The following BBS9 variants were observed in gnomAD, a reference collection of about 807,000 sequenced individuals.
BBS9 encodes the protein protein PTHB1.
BBS9 carries 89 observed loss-of-function variants against 117.7 expected under a neutral mutation model. That is an observed-to-expected ratio of 0.76 (90% CI 0.64 to 0.90). BBS9 has a LOEUF of 0.90. Among genes scored for constraint, BBS9 ranks in the 40% least tolerant of loss-of-function variants. The pLI, the probability that BBS9 is intolerant of heterozygous loss-of-function variation, is 0.00. For missense variants in BBS9, 982 were observed against 1,042.2 expected (o/e 0.94, Z 0.80); for synonymous variants, 379 against 370.9 (o/e 1.02, Z -0.25).
chr7:33,326,762 T>A (rs1812939572), intron 9 of BBS9, among the ~76,000 whole-genome samples: 1 of 151,872 alleles, frequency 6.6e-6, no homozygotes, highest in Non-Finnish European at 1.5e-5. Context: ...CCAGGGTATG[T>A]TTAGAAATGT....
rs117226911 is a variant in BBS9 at position 33,624,958 on chromosome 7, C to A, written c.2522-10219C>A. ...ATCACCCTGGGTTAAGAAATGTGTA[C>A]GGCCATAATTGTAGTCCTGAACCAG... On this transcript the variant is annotated intron_variant, in intron 21 of 21. Coordinates refer to the BBS9 transcript ENST00000671952. Among the ~76,000 whole-genome samples the A allele has an allele frequency of 1.6e-4, 24 of 152,216 alleles. No homozygotes were observed. In the East Asian group the frequency reaches 4.6e-3, roughly 29 times the overall value.
At chr7:33,305,841 CA>C (rs1043900198) in intron 9 of BBS9, among the ~76,000 whole-genome samples, 3 of 151,658 alleles carry the variant, frequency 2.0e-5, no homozygotes, top group Non-Finnish European at 2.9e-5. Flanking sequence ...TTTACCTTTT[CA>C]AAAAAACCAG....
intron 6 of BBS9, among the ~76,000 whole-genome samples, chr7:33,258,419 A>C (rs1797439277): frequency 6.6e-6 from 1 of 152,196 alleles, no homozygotes; most frequent in Non-Finnish European, 1.5e-5. Flanking sequence ...TTTGTAAATC[A>C]TTGTCAAGGC....
intron 9 of BBS9, among the ~76,000 whole-genome samples, chr7:33,288,490 G>T (rs1286696373): frequency 6.6e-6 from 1 of 152,126 alleles, no homozygotes; most frequent in African/African-American, 2.4e-5. Context: ...GATGAACTAT[G>T]TTCTATTAAT....
rs79300921 is a variant in BBS9 at position 33,214,174 on chromosome 7, C to T, written c.442+36583C>T. Among the ~76,000 whole-genome samples the T allele has an allele frequency of 6.2e-4, 94 of 152,298 alleles. 1 individual carries two copies. In the East Asian group the frequency reaches 0.017, roughly 27 times the overall value. On this transcript the variant is annotated intron_variant, in intron 5 of 22. Transcript: ENST00000242067. ...TTCAAGTTCCTACCATTGGGATGGG[C>T]GATTCCCCTCTGGCTACGTCTGGTC...
At chr7:33,180,153 G>T (rs1797891445) in intron 5 of BBS9, among the ~76,000 whole-genome samples, 1 of 152,022 alleles carries the variant, frequency 6.6e-6, no homozygotes, top group South Asian at 2.1e-4. Context: ...CGCCACTCTG[G>T]CTCATACCCC....
At chr7:33,353,943 T>C (rs1819162296) in intron 15 of BBS9, among the ~76,000 whole-genome samples, 1 of 152,076 alleles carries the variant, frequency 6.6e-6, no homozygotes, top group African/African-American at 2.4e-5. Context: ...ATTAGCTAGA[T>C]TGCCTGTAAT....
At chr7:33,194,929 C>G (rs991865485) in intron 5 of BBS9, among the ~76,000 whole-genome samples, 4 of 152,102 alleles carry the variant, frequency 2.6e-5, no homozygotes, top group African/African-American at 9.7e-5. Flanking sequence ...AACATAATCA[C>G]CATTTTTTCA....
chr7:33,530,388 AT>A (rs1850392116), intron 20 of BBS9, among the ~76,000 whole-genome samples: 1 of 152,260 alleles, frequency 6.6e-6, no homozygotes, highest in Non-Finnish European at 1.5e-5. Context: ...ATCTACTTAA[AT>A]TATCTAATAT....
intron 19 of BBS9, among the ~76,000 whole-genome samples, chr7:33,423,948 A>G (rs1833253748): frequency 6.6e-6 from 1 of 152,184 alleles, no homozygotes; most frequent in Non-Finnish European, 1.5e-5. Context: ...AAATTTTACT[A>G]AACTTTCAAT....
At chr7:33,342,611 G>A (rs1816783019) in intron 11 of BBS9, among the ~76,000 whole-genome samples, 1 of 151,952 alleles carries the variant, frequency 6.6e-6, no homozygotes, top group Non-Finnish European at 1.5e-5. Context: ...TTTTCCCTGT[G>A]TTACTATTTT....
intron 5 of BBS9, among the ~76,000 whole-genome samples, chr7:33,187,354 G>T (rs759396): frequency 6.6e-6 from 1 of 151,944 alleles, no homozygotes; most frequent in East Asian, 1.9e-4. Context: ...TCAGTTACCC[G>T]AAATTTACCT....
Position 33,605,298 on chromosome 7 carries a change from G to A in BBS9, c.*72G>A. The stretch of plus-strand genomic sequence containing the variant: ...CGAACCTGTGTGAACCTCATGCCAA[G>A]CACAGATATAGGGCTGGCGCAGGTG... On this transcript the variant is annotated 3_prime_UTR_variant, in exon 23 of 23. Coordinates refer to ENST00000242067, the MANE Select transcript of BBS9 (RefSeq NM_198428.3). 4 of 1,477,410 alleles carry A rather than the reference G, an allele frequency of 2.7e-6. No homozygotes were observed. Among genetic ancestry groups the A allele is most frequent in the Non-Finnish European group, 2.8e-6 (3 of 1,055,652 alleles). 91.5% of individuals were successfully genotyped at this position (1,477,410 alleles called of 1,614,324 possible).
rs190722955 is a variant in BBS9 at position 33,505,379 on chromosome 7, A to G, written c.2116-84A>G. On this transcript the variant is annotated intron_variant, in intron 19 of 22. Transcript: ENST00000242067. ...CAAAGTTCATCAAGTTGTCTTGAAG[A>G]AAAACAAAAGTGTGCCAGACATAAT... 47 of 1,391,650 alleles carry G rather than the reference A, an allele frequency of 3.4e-5. No individual in the cohort carries two copies. In the East Asian group the frequency reaches 1.1e-3, roughly 32 times the overall value. The allele number at this position is 1,391,650 out of a possible 1,614,324, so 86.2% of individuals were successfully genotyped here. A position where few individuals can be genotyped will look rare whatever the true frequency, so the allele number is the denominator to read the frequency against.
chr7:33,422,354 C>T (rs1372956754), intron 19 of BBS9, among the ~76,000 whole-genome samples: 1 of 152,114 alleles, frequency 6.6e-6, no homozygotes, highest in East Asian at 1.9e-4. Flanking sequence ...TAAATATTTA[C>T]CATAGCAGAA....
chr7:33,345,539 T>G (rs2128649616), intron 12 of BBS9, among the ~76,000 whole-genome samples: 1 of 152,108 alleles, frequency 6.6e-6, no homozygotes, highest in African/African-American at 2.4e-5. Flanking sequence ...TTGGTCGAAC[T>G]TGAAGGGAGC....
chr7:33,257,480 A>C (rs930054572), intron 6 of BBS9, 70 bp downstream of exon 6: 1 of 1,399,072 alleles, frequency 7.1e-7, no homozygotes, highest in Non-Finnish European at 1.0e-6. Flanking sequence ...ATTTTTGTCC[A>C]CAAAGAGCTT....
intron 18 of BBS9, among the ~76,000 whole-genome samples, chr7:33,387,130 TTTGA>T (rs912835219): frequency 5.3e-5 from 8 of 152,176 alleles, no homozygotes; most frequent in African/African-American, 1.7e-4. Context: ...TGATGGGAAT[TTTGA>T]TTATTAATAA....
intron 9 of BBS9, among the ~76,000 whole-genome samples, chr7:33,283,006 A>G (rs1281737736): frequency 6.6e-6 from 1 of 152,160 alleles, no homozygotes; most frequent in Admixed American, 6.6e-5. Flanking sequence ...ACACTTCCAT[A>G]CATTTTTTGT....
Sources: gnomAD v4.1 joint callset for allele counts (sites outside exome capture counted in the v4.1 genomes callset) on GRCh38, gnomAD v4.1.1 for gene constraint, MANE v1.5 for transcripts, NCBI Gene and HGNC (gene_info 2026-07-23, HGNC 2026-07-21) for gene names.